SV2C: variants seen among roughly 807,000 people sequenced by gnomAD.
SV2C encodes the protein synaptic vesicle glycoprotein 2C.
SV2C carries 49 observed loss-of-function variants against 79.7 expected under a neutral mutation model. That is an observed-to-expected ratio of 0.61 (90% CI 0.49 to 0.78). The LOEUF is 0.78. SV2C is among the 30% of genes least tolerant of loss of function. The pLI, the probability that SV2C is intolerant of heterozygous loss-of-function variation, is 0.00. For synonymous variants in SV2C, 334 were observed against 333.2 expected (o/e 1.00, Z -0.03); for missense variants, 833 against 912.9 (o/e 0.91, Z 1.13).
At chr5:76,219,646 G>A (rs1177580534) in intron 4 of SV2C, among the ~76,000 whole-genome samples, 1 of 152,200 alleles carries the variant, frequency 6.6e-6, no homozygotes, top group African/African-American at 2.4e-5. Context: ...TATGGAGCCT[G>A]TAGGGAAGGC....
intron 3 of SV2C, among the ~76,000 whole-genome samples, chr5:76,202,615 C>A (rs915849774): frequency 3.9e-5 from 6 of 152,200 alleles, no homozygotes; most frequent in African/African-American, 1.4e-4. Flanking sequence ...AAGGGAAAGA[C>A]CTTCCCCAAT....
chr5:76,090,122 A>G (rs556603904), intron 1 of SV2C, among the ~76,000 whole-genome samples: 1 of 152,296 alleles, frequency 6.6e-6, no homozygotes, highest in Admixed American at 6.5e-5. Flanking sequence ...ATGCAGTTAC[A>G]AAAGTCCTGT....
the SV2C span, among the ~76,000 whole-genome samples, chr5:75,930,954 C>T: frequency 4.6e-5 from 7 of 151,964 alleles, no homozygotes; most frequent in Admixed American, 2.6e-4. Context: ...GCCAACATGG[C>T]GAAACCCTGT....
chr5:76,194,818 T>C (rs1170217902), intron 2 of SV2C, 101 bp from the exon 3 acceptor site: 1 of 1,393,456 alleles, frequency 7.2e-7, no homozygotes, highest in African/African-American at 1.4e-5. Context: ...ATTTTCCTCA[T>C]GCAAAATGCT....
chr5:76,349,880 A>G (rs530246705), intron 12 of SV2C, among the ~76,000 whole-genome samples: 18 of 152,298 alleles, frequency 1.2e-4, no homozygotes, highest in African/African-American at 4.3e-4. Flanking sequence ...GAAGCAGTGT[A>G]TCAGACATTC....
At chr5:75,923,952 G>A in the SV2C span, among the ~76,000 whole-genome samples, 1 of 152,188 alleles carries the variant, frequency 6.6e-6, no homozygotes, top group East Asian at 1.9e-4. Context: ...AAGTACACAT[G>A]CGCATGCATG....
the SV2C span, among the ~76,000 whole-genome samples, chr5:75,914,012 T>C: frequency 6.6e-6 from 1 of 152,198 alleles, no homozygotes; most frequent in Non-Finnish European, 1.5e-5. Context: ...AACCTATACA[T>C]GTACATTTAT....
At chr5:75,878,374 C>A in the SV2C span, among the ~76,000 whole-genome samples, 1 of 152,116 alleles carries the variant, frequency 6.6e-6, no homozygotes, top group Non-Finnish European at 1.5e-5. Flanking sequence ...ACGTCTGTTT[C>A]TTTTTCAGAA....
At chr5:76,012,598 T>G in the SV2C span, among the ~76,000 whole-genome samples, 2 of 152,224 alleles carry the variant, frequency 1.3e-5, no homozygotes, top group Non-Finnish European at 2.9e-5. Flanking sequence ...GTGCAGAAGC[T>G]CTTTAGTTTA....
chr5:75,868,583 A>G, the SV2C span, among the ~76,000 whole-genome samples: 1 of 152,240 alleles, frequency 6.6e-6, no homozygotes, highest in Non-Finnish European at 1.5e-5. Flanking sequence ...TTCCAATAGT[A>G]AACTAACTAA....
chr5:75,946,041 G>A, the SV2C span, among the ~76,000 whole-genome samples: 1 of 151,874 alleles, frequency 6.6e-6, no homozygotes, highest in African/African-American at 2.4e-5. Flanking sequence ...GAAATTCAAA[G>A]CAAGGAGGAA....
At chr5:75,875,364 A>T in the SV2C span, among the ~76,000 whole-genome samples, 2 of 152,224 alleles carry the variant, frequency 1.3e-5, no homozygotes, top group Non-Finnish European at 2.9e-5. Context: ...GTGCTGGGAT[A>T]ACAGGCTAGC....
At chr5:75,956,367 G>A in the SV2C span, among the ~76,000 whole-genome samples, 3 of 139,054 alleles carry the variant, frequency 2.2e-5, no homozygotes, top group African/African-American at 5.4e-5. Context: ...GGACACAGGA[G>A]GGGAAACATC....
chr5:76,169,879 G>T (rs1433077530), intron 2 of SV2C, among the ~76,000 whole-genome samples: 2 of 152,152 alleles, frequency 1.3e-5, no homozygotes, highest in Non-Finnish European at 2.9e-5. Flanking sequence ...GTGTCTGGTA[G>T]TAAAAAAGTG....
At chr5:76,168,821 T>G (rs1418294532) in intron 2 of SV2C, among the ~76,000 whole-genome samples, 1 of 152,204 alleles carries the variant, frequency 6.6e-6, no homozygotes, top group Non-Finnish European at 1.5e-5. Context: ...CCAGCGACAC[T>G]TTTAACCCCG....
chr5:76,141,377 T>C (rs1021760535), intron 2 of SV2C, among the ~76,000 whole-genome samples: 1 of 152,130 alleles, frequency 6.6e-6, no homozygotes, highest in Admixed American at 6.6e-5. Context: ...CCTAGAACAC[T>C]CTAGGATGAG....
rs375351450 is a variant in SV2C at position 76,130,145 on chromosome 5, TAAAAAAAA to T, written c.-101-1477_-101-1470del. On this transcript the variant is annotated intron_variant, in intron 1 of 12. Transcript: ENST00000502798. The stretch of plus-strand genomic sequence containing the variant: ...CTCCCTTTCTCTTCCTCTCAGTTCT[TAAAAAAAA>T]AAAAAAAAAAAAAAAAAAAAAAAAA... 4.5e-3 allele frequency among the ~76,000 whole-genome samples: 307 copies of T among 67,782 alleles called. 3 individuals are homozygous for T. Among genetic ancestry groups the T allele is most frequent in the African/African-American group, 0.024 (273 of 11,400 alleles). 44.5% of individuals were successfully genotyped at this position (67,782 alleles called of 152,430 possible).
At chr5:76,352,286 T>C (rs1749656670) in intron 12 of SV2C, among the ~76,000 whole-genome samples, 1 of 152,170 alleles carries the variant, frequency 6.6e-6, no homozygotes, top group Admixed American at 6.6e-5. Flanking sequence ...AGATTAATTA[T>C]GAACGTAAGC....
At chr5:75,985,878 T>G in the SV2C span, among the ~76,000 whole-genome samples, 1 of 151,706 alleles carries the variant, frequency 6.6e-6, no homozygotes, top group African/African-American at 2.4e-5. Context: ...TATAAACAGC[T>G]TATTGTTAGT....
Sources: allele counts gnomAD v4.1 joint callset (sites outside exome capture counted in the v4.1 genomes callset), GRCh38; gene constraint gnomAD v4.1.1; transcripts MANE v1.5; gene names NCBI Gene and HGNC (gene_info 2026-07-23, HGNC 2026-07-21).